Variants in DLG1 observed in about 807,000 individuals in gnomAD.
DLG1 encodes the protein discs large MAGUK scaffold protein 1, also known as disks large homolog 1.
Under a neutral mutation model 123.4 loss-of-function variants are expected in DLG1, and 42 were observed. The ratio of observed to expected loss-of-function variants is 0.34; its 90% CI spans 0.27 to 0.44. The LOEUF (loss-of-function observed/expected upper bound fraction) is 0.44, where lower values mean the gene tolerates loss of function less well. Ranked by LOEUF, DLG1 falls within the 20% of genes least tolerant of loss-of-function variation. DLG1 has a pLI of 1.00. For synonymous variants in DLG1, 317 were observed against 356.2 expected, an observed-to-expected ratio of 0.89 and a Z score of 1.24; for missense variants, 942 against 1,082.6, an observed-to-expected ratio of 0.87 and a Z score of 1.82.
At chr3:197,242,716 A>G (rs574235413) in intron 4 of DLG1, among the ~76,000 whole-genome samples, 2 of 152,316 alleles carry the variant, frequency 1.3e-5, no homozygotes, top group East Asian at 3.9e-4. Context: ...TAAAAACTTG[A>G]AACAAATGAA....
At position 197,138,280 on chromosome 3, in the gene DLG1, T is replaced by G. The variant is rs914853180; in HGVS notation, c.825A>C (p.Lys275Asn). 17 of 1,603,828 alleles carry G rather than the reference T, an allele frequency of 1.1e-5. No homozygotes were observed. Among genetic ancestry groups the G allele is most frequent in the Non-Finnish European group, 1.2e-5 (14 of 1,173,334 alleles). Residue 275 changes from lysine (K) to asparagine (N), a missense_variant, in exon 9 of 25, where the codon AAA (lysine) becomes AAC (asparagine). By Grantham distance (94) the Lys-to-Asn change is moderately conservative. Coordinates refer to ENST00000667157, the MANE Select transcript of DLG1 (RefSeq NM_001366207.1). The stretch of plus-strand genomic sequence containing the variant: ...TTTTTTCTGACACTGGTTTCCTTCT[T>G]TTTACATACAAGCGTACAATAGACC... ...EAGSIVRLYV[K>N]RRKPVSEKIM...
chr3:197,268,388 T>C (rs1459479158), intron 4 of DLG1, among the ~76,000 whole-genome samples: 1 of 152,194 alleles, frequency 6.6e-6, no homozygotes, highest in East Asian at 1.9e-4. Flanking sequence ...GCTTTTTTTT[T>C]GGCATAATAT....
At chr3:197,067,902 C>T (rs1009395632) in intron 19 of DLG1, among the ~76,000 whole-genome samples, 1 of 151,942 alleles carries the variant, frequency 6.6e-6, no homozygotes, top group African/African-American at 2.4e-5. Context: ...TCCCCCCTCA[C>T]CCCCACGCCT....
chr3:197,196,313 C>A (rs1372301727), intron 4 of DLG1, among the ~76,000 whole-genome samples: 1 of 151,786 alleles, frequency 6.6e-6, no homozygotes, highest in Non-Finnish European at 1.5e-5. Flanking sequence ...ATCTGGCTTA[C>A]ATCAACATTA....
At chr3:197,100,840 C>T (rs1451148715) in intron 14 of DLG1, among the ~76,000 whole-genome samples, 1 of 152,162 alleles carries the variant, frequency 6.6e-6, no homozygotes, top group African/African-American at 2.4e-5. Flanking sequence ...TCTGAGGAGT[C>T]TGATGGCCCC....
At chr3:197,125,633 A>C (rs987202618) in intron 11 of DLG1, among the ~76,000 whole-genome samples, 1 of 152,214 alleles carries the variant, frequency 6.6e-6, no homozygotes, top group African/African-American at 2.4e-5. Context: ...GAGGTGATGA[A>C]AGTTAATAAT....
chr3:197,166,135 A>G (rs1487219571), intron 5 of DLG1, among the ~76,000 whole-genome samples: 1 of 152,206 alleles, frequency 6.6e-6, no homozygotes, highest in Non-Finnish European at 1.5e-5. Context: ...CAAGTGAGAC[A>G]GATAGCATCT....
chr3:197,143,864 G>A (rs1789328521), intron 6 of DLG1, among the ~76,000 whole-genome samples: 1 of 152,030 alleles, frequency 6.6e-6, no homozygotes, highest in Non-Finnish European at 1.5e-5. Flanking sequence ...AGATATCTTG[G>A]TCACAATTTA....
rs192569788 is a variant in DLG1 at position 197,055,107 on chromosome 3, G to A, written c.2484-3439C>T. On this transcript the variant is annotated intron_variant, in intron 23 of 24. Coordinates refer to ENST00000667157, the MANE Select transcript of DLG1 (RefSeq NM_001366207.1). ...TGGGGTTACAGGCGTGAGCCACTGC[G>A]TCTGGCCAATTTTTGCTTACCTTTT... Among the ~76,000 whole-genome samples, 717 of 152,186 alleles carry A rather than the reference G, an allele frequency of 4.7e-3. 13 individuals are homozygous for A. Among genetic ancestry groups the A allele is most frequent in the Middle Eastern group, 0.017 (5 of 294 alleles).
intron 4 of DLG1, among the ~76,000 whole-genome samples, chr3:197,252,786 T>C (rs1240096684): frequency 1.3e-5 from 2 of 152,232 alleles, no homozygotes; most frequent in East Asian, 1.9e-4. Flanking sequence ...AGATGAATAG[T>C]GGTAGTGGCT....
intron 22 of DLG1, among the ~76,000 whole-genome samples, chr3:197,062,265 C>T (rs1049322319): frequency 6.6e-6 from 1 of 152,084 alleles, no homozygotes; most frequent in Non-Finnish European, 1.5e-5. Flanking sequence ...TCCAACATGC[C>T]TGTTTTATAA....
intron 3 of DLG1, 21 bp downstream of exon 3, chr3:197,296,325 T>G: frequency 6.2e-7 from 1 of 1,608,242 alleles, no homozygotes; most frequent in Non-Finnish European, 8.5e-7. Flanking sequence ...GGCATAATAG[T>G]TACGAAGTTT....
intron 4 of DLG1, among the ~76,000 whole-genome samples, chr3:197,232,751 G>GAA (rs765221376): frequency 1.4e-4 from 18 of 132,404 alleles, no homozygotes; most frequent in Admixed American, 3.1e-4. Context: ...CTATCTGGCA[G>GAA]AAAAAAAAAA....
At chr3:197,068,513 C>T (rs1251452814) in intron 19 of DLG1, 1 of 1,581,666 alleles carries the variant, frequency 6.3e-7, no homozygotes, top group Non-Finnish European at 8.6e-7. Flanking sequence ...TTTTGAGCAG[C>T]CATACTCATC....
At chr3:197,068,154 G>C (rs1741040697) in intron 19 of DLG1, among the ~76,000 whole-genome samples, 1 of 152,116 alleles carries the variant, frequency 6.6e-6, no homozygotes, top group African/African-American at 2.4e-5. Flanking sequence ...AAGTACATAA[G>C]ACCAATATTT....
intron 4 of DLG1, among the ~76,000 whole-genome samples, chr3:197,209,444 A>G (rs927470308): frequency 2.0e-5 from 3 of 146,794 alleles, no homozygotes; most frequent in African/African-American, 7.3e-5. Flanking sequence ...TTTTAGTAAG[A>G]GATTTAAACT....
chr3:197,143,214 T>TC (rs1307559666), intron 6 of DLG1, among the ~76,000 whole-genome samples: 2 of 152,134 alleles, frequency 1.3e-5, no homozygotes, highest in Non-Finnish European at 2.9e-5. Context: ...AGATTAGTAT[T>TC]CCCCACTGCC....
intron 3 of DLG1, among the ~76,000 whole-genome samples, chr3:197,289,109 G>A (rs1439574444): frequency 6.6e-6 from 1 of 152,074 alleles, no homozygotes; most frequent in East Asian, 1.9e-4. Context: ...CTTCGTCTAG[G>A]GCTCAAGTGA....
chr3:197,184,408 T>C (rs1389031177), intron 5 of DLG1, among the ~76,000 whole-genome samples: 1 of 152,228 alleles, frequency 6.6e-6, no homozygotes, highest in Non-Finnish European at 1.5e-5. Flanking sequence ...AGAATCTTTG[T>C]CATTCATATC....
Sources: allele counts gnomAD v4.1 joint callset (sites outside exome capture counted in the v4.1 genomes callset), GRCh38; gene constraint gnomAD v4.1.1; transcripts MANE v1.5; gene names NCBI Gene and HGNC (gene_info 2026-07-23, HGNC 2026-07-21).